BEND7: variants seen among roughly 807,000 people sequenced by gnomAD.
BEND7 encodes BEN domain containing 7.
A neutral mutation model predicts 50.9 loss-of-function variants in BEND7; 28 were observed. That is an observed-to-expected ratio of 0.55 (90% CI 0.41 to 0.75). BEND7 has a LOEUF of 0.75. Among genes scored for constraint, BEND7 ranks in the 30% least tolerant of loss-of-function variants. The probability of loss-of-function intolerance (pLI) is 0.00; values close to 1 mark genes in which losing one functional copy is unlikely to be tolerated. For synonymous variants in BEND7, 170 were observed against 183.9 expected, an observed-to-expected ratio of 0.92 and a Z score of 0.61; for missense variants, 477 against 491.3, an observed-to-expected ratio of 0.97 and a Z score of 0.28.
At chr10:13,472,592 C>A (rs182999114) in intron 6 of BEND7, among the ~76,000 whole-genome samples, 2 of 151,450 alleles carry the variant, frequency 1.3e-5, no homozygotes, top group African/African-American at 2.4e-5. Flanking sequence ...GGGGTTGATA[C>A]CCGTCATCAC....
At chr10:13,480,571 T>G in intron 6 of BEND7, 1 of 900,606 alleles carries the variant, frequency 1.1e-6, no homozygotes, top group African/African-American at 1.9e-5. Context: ...AAACTTTAAG[T>G]TGAAGTCATA....
intron 5 of BEND7, among the ~76,000 whole-genome samples, chr10:13,487,007 CAGCT>C (rs2076267498): frequency 1.3e-5 from 2 of 152,252 alleles, no homozygotes; most frequent in African/African-American, 4.8e-5. Context: ...GCCTGCGCCA[CAGCT>C]GACGTCCTAT....
intron 6 of BEND7, chr10:13,460,003 G>A (rs2131250941): frequency 6.6e-6 from 1 of 152,302 alleles, no homozygotes; most frequent in East Asian, 1.9e-4. Context: ...TTGACCTAAG[G>A]GGAGCCAAGC....
In BEND7 at chr10:13,481,094, C is replaced by T. The variant is rs1245642029; in HGVS notation, c.868G>A (p.Val290Met). 3.7e-6 allele frequency: 6 copies of T among 1,613,928 alleles called. No homozygotes were observed. Among genetic ancestry groups the T allele is most frequent in the African/African-American group, 1.3e-5 (1 of 74,916 alleles). Residue 290 changes from valine (V) to methionine (M), a missense_variant, in exon 6 of 9, where the codon GTG becomes ATG. Physicochemically the swap from Val to Met is conservative, Grantham distance 21 (BLOSUM62 1). Transcript: ENST00000466271. ...TCCAGCTGAGATTTAGGCATAAACA[C>T]GTCAAAGCCTTCAGCAAGTTGTACT... ...PEVQLAEGFD[V>M]FMPKSQLDSI... is the part of the protein sequence containing the mutation.
intron 2 of BEND7, chr10:13,500,811 C>G (rs994975869): frequency 2.0e-6 from 2 of 985,308 alleles, no homozygotes; most frequent in East Asian, 2.3e-4. Context: ...CCCTGCCACT[C>G]GAGGTCACTG....
intron 8 of BEND7, 79 bp from the exon 9 acceptor site, chr10:13,441,829 T>C: frequency 4.2e-6 from 6 of 1,428,326 alleles, no homozygotes; most frequent in Non-Finnish European, 5.9e-6. Context: ...CAAAAAGGTA[T>C]GATGGAAATA....
chr10:13,452,866 G>GAA (rs1838079193), intron 6 of BEND7, among the ~76,000 whole-genome samples: 1 of 152,148 alleles, frequency 6.6e-6, no homozygotes, highest in African/African-American at 2.4e-5. Context: ...GCTTCAAAAC[G>GAA]AAACTGGCGA....
chr10:13,458,134 C>T (rs969445274), intron 6 of BEND7, among the ~76,000 whole-genome samples: 1 of 152,236 alleles, frequency 6.6e-6, no homozygotes, highest in African/African-American at 2.4e-5. Context: ...TCAATCTGAT[C>T]CGTCCATGAA....
Position 13,465,883 on chromosome 10 carries a change from TCG to T in BEND7, c.1064-13227_1064-13226del, listed in dbSNP as rs1491138775. 7.0e-5 allele frequency among the ~76,000 whole-genome samples: 5 copies of T among 71,360 alleles called. No homozygotes were observed. The East Asian group carries it at 3.2e-3, about 45-fold the overall frequency. 46.8% of individuals were successfully genotyped at this position (71,360 alleles called of 152,430 possible). A position where few individuals can be genotyped will look rare whatever the true frequency, so the allele number is the denominator to read the frequency against. ...GAGGCCACAGCTATCTCTCTCTCTC[TCG>T]TGTGTGTGTGTGTGTGTGGTGGCAG... On this transcript the variant is annotated intron_variant, in intron 6 of 8. Transcript: ENST00000466271.
Position 13,480,640 on chromosome 10 carries a change from TTC to T in BEND7, c.1063+257_1063+258del, listed in dbSNP as rs1182837993. 16 of 984,748 alleles carry T rather than the reference TTC, an allele frequency of 1.6e-5. No individual in the cohort carries two copies. In the East Asian group the frequency reaches 1.5e-3, roughly 91 times the overall value. The allele number at this position is 984,748 out of a possible 1,614,324, so 61.0% of individuals were successfully genotyped here. On this transcript the variant is annotated intron_variant, in intron 6 of 8. Transcript: ENST00000466271. ...TGCATTTTAAAAGTCAAGAAAAAACTTCTTTTTGATTCTGCAGCAGGTCAAAC... is the reference window on the plus strand; with the variant it reads ...TGCATTTTAAAAGTCAAGAAAAAACTTTTTTGATTCTGCAGCAGGTCAAAC...
rs1835295239 is a variant in BEND7, at chr10:13,441,360, G to C, written c.*383C>G. On this transcript the variant is annotated 3_prime_UTR_variant, in exon 9 of 9. Transcript: ENST00000466271. ...GAATAAAGACTGAACAGTAGTCACA[G>C]TAAGTAAACACAATTTTAATTTACA... 3.8e-6 allele frequency: 4 copies of C among 1,041,110 alleles called. No individual in the cohort carries two copies. The highest frequency in any genetic ancestry group is 4.6e-6 in the Non-Finnish European group (4 of 867,118). The allele number at this position is 1,041,110 out of a possible 1,614,324, so 64.5% of individuals were successfully genotyped here. A position where few individuals can be genotyped will look rare whatever the true frequency, so the allele number is the denominator to read the frequency against.
At chr10:13,499,472 T>G (rs929925825) in intron 3 of BEND7, among the ~76,000 whole-genome samples, 4 of 152,030 alleles carry the variant, frequency 2.6e-5, no homozygotes, top group African/African-American at 7.2e-5. Context: ...AATGTTCAGG[T>G]TTTTTTTGTG....
At chr10:13,477,253 T>A (rs149404578) in intron 6 of BEND7, among the ~76,000 whole-genome samples, 1 of 152,222 alleles carries the variant, frequency 6.6e-6, no homozygotes, top group African/African-American at 2.4e-5. Context: ...CCAGTCTTCA[T>A]ATGTTCCTAG....
intron 6 of BEND7, among the ~76,000 whole-genome samples, chr10:13,455,520 G>C (rs1838754193): frequency 6.6e-6 from 1 of 152,186 alleles, no homozygotes; most frequent in Non-Finnish European, 1.5e-5. Context: ...CCAGAGAGGG[G>C]TGGAAGAAGA....
chr10:13,519,765 G>T (rs1256497480), intron 2 of BEND7, among the ~76,000 whole-genome samples: 1 of 152,162 alleles, frequency 6.6e-6, no homozygotes, highest in East Asian at 1.9e-4. Context: ...AAACTGAGGC[G>T]GCTTACAGGC....
intron 8 of BEND7, chr10:13,444,731 G>A (rs1269098618): frequency 6.6e-6 from 1 of 152,204 alleles, no homozygotes; most frequent in Non-Finnish European, 1.5e-5. Context: ...TTACTTTGGA[G>A]GCAATCAAGA....
intron 2 of BEND7, among the ~76,000 whole-genome samples, chr10:13,510,438 A>G (rs1199860034): frequency 1.3e-5 from 2 of 152,222 alleles, no homozygotes; most frequent in Non-Finnish European, 2.9e-5. Flanking sequence ...GAAATATTCC[A>G]ACAACTACCT....
chr10:13,472,428 G>C (rs1233856360), intron 6 of BEND7, among the ~76,000 whole-genome samples: 4 of 151,358 alleles, frequency 2.6e-5, no homozygotes, highest in African/African-American at 9.7e-5. Context: ...TGTTAAACTC[G>C]GGGCTGATAT....
chr10:13,516,618 C>T (rs556807683), intron 2 of BEND7, among the ~76,000 whole-genome samples: 32 of 152,120 alleles, frequency 2.1e-4, no homozygotes, highest in African/African-American at 7.0e-4. Flanking sequence ...CCCAGCTACT[C>T]GGGAGGCTGA....
Sources: gnomAD v4.1 joint callset for allele counts (sites outside exome capture counted in the v4.1 genomes callset) on GRCh38, gnomAD v4.1.1 for gene constraint, MANE v1.5 for transcripts, NCBI Gene and HGNC (gene_info 2026-07-23, HGNC 2026-07-21) for gene names.